AMPH: variants seen among roughly 807,000 people sequenced by gnomAD.
AMPH encodes the protein amphiphysin (Stiff-Mann syndrome with breast cancer 128kD autoantigen).
In AMPH, 49 loss-of-function variants were observed where a neutral mutation model predicts 99.1. That is an observed-to-expected ratio of 0.49 (90% CI 0.39 to 0.63). The LOEUF (loss-of-function observed/expected upper bound fraction) is 0.63. AMPH is among the 20% of genes least tolerant of loss of function. The pLI is 0.00. For missense variants in AMPH, 759 were observed against 863.4 expected (o/e 0.88, Z 1.52); for synonymous variants, 314 against 317.3 (o/e 0.99, Z 0.11).
At chr7:38,422,550 C>A in intron 15 of AMPH, 73 bp from the exon 16 acceptor site, 1 of 1,023,336 alleles carries the variant, frequency 9.8e-7, no homozygotes, top group South Asian at 1.4e-5. Flanking sequence ...TTGTGTCTGC[C>A]TACGTATCTA....
At chr7:38,630,983 T>G (rs1474884720) in intron 1 of AMPH, among the ~76,000 whole-genome samples, 1 of 152,074 alleles carries the variant, frequency 6.6e-6, no homozygotes, top group Non-Finnish European at 1.5e-5. Flanking sequence ...TTGCCTGGCT[T>G]GGGGCCAGGA....
chr7:38,457,470 C>T (rs1787276462), intron 11 of AMPH, among the ~76,000 whole-genome samples: 1 of 152,116 alleles, frequency 6.6e-6, no homozygotes, highest in Non-Finnish European at 1.5e-5. Context: ...GAAAGCATCT[C>T]AGAACTTTAA....
chr7:38,481,541 C>T (rs1006127691), intron 5 of AMPH, among the ~76,000 whole-genome samples: 2 of 152,078 alleles, frequency 1.3e-5, no homozygotes, highest in African/African-American at 4.8e-5. Context: ...AATAACTGCT[C>T]ACAGCTGTAA....
chr7:38,577,384 A>G (rs1370709062), intron 1 of AMPH, among the ~76,000 whole-genome samples: 1 of 152,166 alleles, frequency 6.6e-6, no homozygotes, highest in Non-Finnish European at 1.5e-5. Flanking sequence ...CCATAAGCAG[A>G]TGCTAAGAAA....
chr7:38,403,942 G>C (rs910887466), intron 17 of AMPH, among the ~76,000 whole-genome samples: 2 of 152,172 alleles, frequency 1.3e-5, no homozygotes, highest in African/African-American at 4.8e-5. Context: ...ACAAAGGGCA[G>C]AGCCCATCTT....
At chr7:38,496,610 A>AG (rs1329062342) in intron 3 of AMPH, among the ~76,000 whole-genome samples, 1 of 152,164 alleles carries the variant, frequency 6.6e-6, no homozygotes, top group Admixed American at 6.5e-5. Context: ...AATCCAAGCA[A>AG]GGGGGGATGC....
chr7:38,550,605 G>A (rs754772858), intron 1 of AMPH, among the ~76,000 whole-genome samples: 11 of 152,116 alleles, frequency 7.2e-5, no homozygotes, highest in African/African-American at 1.7e-4. Flanking sequence ...GATATACTGC[G>A]TAGTGGTGAT....
chr7:38,416,694 T>C (rs547278005), intron 17 of AMPH, among the ~76,000 whole-genome samples: 1 of 152,290 alleles, frequency 6.6e-6, no homozygotes, highest in Admixed American at 6.5e-5. Flanking sequence ...AGATCACCAT[T>C]GGACACCAAG....
chr7:38,388,439 T>C (rs66821754), intron 20 of AMPH, among the ~76,000 whole-genome samples: 12,848 of 152,152 alleles, frequency 0.084, 694 homozygotes, highest in East Asian at 0.14. Context: ...TTTTATCTGT[T>C]ATAGTCCTTT....
intron 12 of AMPH, among the ~76,000 whole-genome samples, chr7:38,435,076 A>G (rs976135880): frequency 4.6e-5 from 7 of 152,232 alleles, no homozygotes; most frequent in Admixed American, 3.9e-4. Context: ...TTAATATTCT[A>G]ATGCACATCA....
At position 38,465,461 on chromosome 7, in the gene AMPH, G is replaced by A. The variant is rs947724790; in HGVS notation, c.749+6C>T. On this transcript the variant is annotated splice_donor_region_variant and intron_variant, in intron 9 of 20. Coordinates refer to ENST00000356264, the MANE Select transcript of AMPH (RefSeq NM_001635.4). Reference sequence around the variant, plus strand: ...ATTACAGGTGCTCCAATGAGCAGGGGCCTACCTGGGCGCTCCTTGGATGGT... The same window carrying A: ...ATTACAGGTGCTCCAATGAGCAGGGACCTACCTGGGCGCTCCTTGGATGGT... 4 of 1,567,996 alleles carry A rather than the reference G, an allele frequency of 2.6e-6. No homozygotes were observed. The highest frequency in any genetic ancestry group is 3.5e-6 in the Non-Finnish European group (4 of 1,154,276).
chr7:38,511,079 A>G (rs564843704), intron 2 of AMPH, among the ~76,000 whole-genome samples: 1 of 152,304 alleles, frequency 6.6e-6, no homozygotes, highest in South Asian at 2.1e-4. Flanking sequence ...AATGAGGATG[A>G]TAACAGTACC....
At chr7:38,539,166 G>C (rs1411009721) in intron 1 of AMPH, among the ~76,000 whole-genome samples, 1 of 152,160 alleles carries the variant, frequency 6.6e-6, no homozygotes, top group Non-Finnish European at 1.5e-5. Flanking sequence ...AAAGGAGACA[G>C]TTTCAATTGC....
At position 38,544,839 on chromosome 7, in the gene AMPH, A is replaced by G. The variant is rs1485177323; in HGVS notation, c.70-9828T>C. Among the ~76,000 whole-genome samples the G allele has an allele frequency of 2.6e-5, 4 of 152,204 alleles. No individual in the cohort carries two copies. The East Asian group carries it at 5.8e-4, about 22-fold the overall frequency. ...TATTCTTTCTTTTCTCCTTGACTTC[A>G]TATCTTCACTTTAAGTTGCAATATC... is the stretch of plus-strand genomic sequence containing the variant. On this transcript the variant is annotated intron_variant, in intron 1 of 20. Coordinates refer to ENST00000356264, the MANE Select transcript of AMPH (RefSeq NM_001635.4).
chr7:38,510,714 T>C (rs1789505387), intron 2 of AMPH, among the ~76,000 whole-genome samples: 2 of 152,178 alleles, frequency 1.3e-5, no homozygotes, highest in Non-Finnish European at 2.9e-5. Flanking sequence ...GCCCACCAGC[T>C]TGACCCCTGC....
At chr7:38,630,237 C>T (rs1036870009) in intron 1 of AMPH, among the ~76,000 whole-genome samples, 2 of 152,148 alleles carry the variant, frequency 1.3e-5, no homozygotes, top group South Asian at 2.1e-4. Context: ...GGCTCATTAG[C>T]CGGTGTTGAT....
chr7:38,609,704 A>C (rs916564425), intron 1 of AMPH, among the ~76,000 whole-genome samples: 4 of 152,084 alleles, frequency 2.6e-5, no homozygotes, highest in Admixed American at 6.6e-5. Flanking sequence ...ATACTGTATA[A>C]GGTGTATATA....
intron 3 of AMPH, 146 bp downstream of exon 3, chr7:38,503,504 G>GGGGGC (rs1554348779): frequency 9.7e-6 from 5 of 512,892 alleles, no homozygotes; most frequent in Middle Eastern, 3.1e-4. Context: ...GCGGGGGGGT[G>GGGGGC]GGTGGTGGAA....
intron 1 of AMPH, among the ~76,000 whole-genome samples, chr7:38,556,959 C>T (rs1204701486): frequency 2.0e-5 from 3 of 152,200 alleles, no homozygotes; most frequent in African/African-American, 7.2e-5. Flanking sequence ...GAAAGAGAGG[C>T]AAGAAAGAGA....
Sources: gnomAD v4.1 joint callset for allele counts (sites outside exome capture counted in the v4.1 genomes callset) on GRCh38, gnomAD v4.1.1 for gene constraint, MANE v1.5 for transcripts, NCBI Gene and HGNC (gene_info 2026-07-23, HGNC 2026-07-21) for gene names.